Variants in ASTN2 observed in about 807,000 individuals in gnomAD.
ASTN2 encodes the protein astrotactin-2.
A neutral mutation model predicts 139.8 loss-of-function variants in ASTN2; 54 were observed. The observed-to-expected ratio is 0.39, with a 90% CI of 0.31 to 0.48. ASTN2 has a LOEUF of 0.48. ASTN2 is among the 20% of genes least tolerant of loss of function. The pLI is 0.95. For synonymous variants in ASTN2, 756 were observed against 719.5 expected (o/e 1.05, Z -0.81); for missense variants, 1,565 against 1,725.1 (o/e 0.91, Z 1.64).
intron 2 of ASTN2, among the ~76,000 whole-genome samples, chr9:117,257,183 A>C (rs1356121131): frequency 6.6e-6 from 1 of 152,190 alleles, no homozygotes; most frequent in Non-Finnish European, 1.5e-5. Context: ...ATTTTGATGA[A>C]GAAAATGCTG....
intron 1 of ASTN2, among the ~76,000 whole-genome samples, chr9:117,300,249 A>C (rs1834843064): frequency 6.6e-6 from 1 of 152,214 alleles, no homozygotes; most frequent in African/African-American, 2.4e-5. Flanking sequence ...TTTAGTCTGG[A>C]TATTCCTTTG....
At chr9:117,001,842 T>C (rs1036526390) in intron 7 of ASTN2, among the ~76,000 whole-genome samples, 10 of 152,178 alleles carry the variant, frequency 6.6e-5, no homozygotes, top group African/African-American at 2.4e-4. Context: ...AATAGCTATA[T>C]ATGAGCAGAT....
intron 7 of ASTN2, among the ~76,000 whole-genome samples, chr9:116,999,525 CCTCTTTCTTTCTTTCT>C (rs1837125201): frequency 2.8e-5 from 4 of 141,694 alleles, no homozygotes; most frequent in Non-Finnish European, 6.2e-5. Flanking sequence ...TTCTTTCTTT[CCTCTTTCTTTCTTTCT>C]CTCTTTCTTT....
At chr9:116,610,936 T>C (rs964700314) in intron 19 of ASTN2, 5 of 152,090 alleles carry the variant, frequency 3.3e-5, no homozygotes, top group African/African-American at 1.2e-4. Context: ...TTGAATAACA[T>C]AATTAACCGA....
At chr9:116,581,642 C>T (rs1054628090) in intron 19 of ASTN2, among the ~76,000 whole-genome samples, 8 of 152,158 alleles carry the variant, frequency 5.3e-5, no homozygotes, top group African/African-American at 1.9e-4. Flanking sequence ...GCTAATCTTG[C>T]CTCATCTCTA....
intron 3 of ASTN2, among the ~76,000 whole-genome samples, chr9:117,196,563 A>C (rs1379760908): frequency 6.6e-6 from 1 of 152,148 alleles, no homozygotes; most frequent in Non-Finnish European, 1.5e-5. Context: ...ATGCCTTCCT[A>C]TCTATCACTG....
chr9:116,799,077 G>A (rs1830773430), intron 13 of ASTN2, among the ~76,000 whole-genome samples: 1 of 131,984 alleles, frequency 7.6e-6, no homozygotes, highest in Non-Finnish European at 1.6e-5. Flanking sequence ...CACCATTAAA[G>A]GGGCGGGGGG....
chr9:116,856,832 T>C (rs1348862825), intron 11 of ASTN2, among the ~76,000 whole-genome samples: 1 of 152,118 alleles, frequency 6.6e-6, no homozygotes, highest in Non-Finnish European at 1.5e-5. Flanking sequence ...TTGAGGAGTG[T>C]GGGATTGGTT....
At chr9:117,063,268 C>T (rs978486156) in intron 5 of ASTN2, among the ~76,000 whole-genome samples, 1 of 152,220 alleles carries the variant, frequency 6.6e-6, no homozygotes, top group African/African-American at 2.4e-5. Context: ...CTCATCTGAA[C>T]ACCTGGTGAT....
chr9:117,094,615 A>G (rs1315033920), intron 5 of ASTN2, among the ~76,000 whole-genome samples: 5 of 152,120 alleles, frequency 3.3e-5, no homozygotes, highest in African/African-American at 1.2e-4. Context: ...AAGGAGGGAG[A>G]GGCAGATCCC....
chr9:116,761,750 A>C (rs1427218500), intron 13 of ASTN2, among the ~76,000 whole-genome samples: 1 of 152,056 alleles, frequency 6.6e-6, no homozygotes, highest in African/African-American at 2.4e-5. Context: ...AAGAGGTTAG[A>C]CTTTATCCTG....
intron 1 of ASTN2, among the ~76,000 whole-genome samples, chr9:117,302,606 C>G (rs1339871582): frequency 1.3e-5 from 2 of 152,216 alleles, no homozygotes; most frequent in Non-Finnish European, 2.9e-5. Flanking sequence ...TCAACCCCAA[C>G]CCCCACACCC....
intron 19 of ASTN2, among the ~76,000 whole-genome samples, chr9:116,606,360 G>T (rs768570703): frequency 2.6e-5 from 4 of 152,096 alleles, no homozygotes; most frequent in Non-Finnish European, 4.4e-5. Context: ...TCAAAAGTTA[G>T]TTCAGAAGGG....
rs539376933 is a variant in ASTN2, at chr9:116,698,007, G to A, written c.2806+27764C>T. On this transcript the variant is annotated intron_variant, in intron 16 of 22. Coordinates refer to ENST00000313400, the MANE Select transcript of ASTN2 (RefSeq NM_001365068.1). This position sits in a 1 kb window ranked among gnomAD's most constrained non-coding sequence, Gnocchi z 4.4. ...GACAGTGCTAAAGATCATTGATACA[G>A]CTGGGCTCAGCGAGGCTGTGGGGCT... The A allele has an allele frequency of 2.4e-5, 39 of 1,614,128 alleles. No homozygotes were observed. In the East Asian group the frequency reaches 6.9e-4, roughly 29 times the overall value.
At chr9:116,523,172 C>G (rs73522496) in intron 19 of ASTN2, among the ~76,000 whole-genome samples, 1,856 of 151,770 alleles carry the variant, frequency 0.012, 34 homozygotes, top group African/African-American at 0.043. Flanking sequence ...ATGCCTTTCT[C>G]ATTACCAAGC....
At chr9:116,735,783 G>A (rs987997007) in intron 13 of ASTN2, among the ~76,000 whole-genome samples, 2 of 152,210 alleles carry the variant, frequency 1.3e-5, no homozygotes, top group Non-Finnish European at 2.9e-5. Context: ...TGGAAGCTGA[G>A]AAGAGCCTAT....
At chr9:116,533,282 A>G (rs997456321) in intron 19 of ASTN2, among the ~76,000 whole-genome samples, 1 of 152,120 alleles carries the variant, frequency 6.6e-6, no homozygotes, top group Non-Finnish European at 1.5e-5. Context: ...GGGTTTTCTA[A>G]ATATACAATC....
chr9:116,477,569 G>A (rs747644915), intron 20 of ASTN2, among the ~76,000 whole-genome samples: 7 of 151,970 alleles, frequency 4.6e-5, no homozygotes, highest in Non-Finnish European at 1.0e-4. Flanking sequence ...TTTGGGTGTC[G>A]GAGGAGGAAA....
At chr9:116,675,483 T>C (rs1308285140) in intron 16 of ASTN2, among the ~76,000 whole-genome samples, 1 of 152,120 alleles carries the variant, frequency 6.6e-6, no homozygotes, top group Non-Finnish European at 1.5e-5. Flanking sequence ...CAGGGGTTCT[T>C]GGTTAGCTCT....
Sources: gnomAD v4.1 joint callset for allele counts (sites outside exome capture counted in the v4.1 genomes callset) on GRCh38, gnomAD v4.1.1 for gene constraint, Gnocchi (gnomAD v3.1) non-coding constraint, MANE v1.5 for transcripts, NCBI Gene and HGNC (gene_info 2026-07-23, HGNC 2026-07-21) for gene names.